RSF1: variants seen among roughly 807,000 people sequenced by gnomAD.
RSF1 encodes the protein HBV pX-associated protein 8.
Under a neutral mutation model 145.2 loss-of-function variants are expected in RSF1, and 13 were observed. The observed-to-expected ratio is 0.09, with a 90% CI of 0.06 to 0.14. RSF1 has a LOEUF of 0.14. RSF1 is among the 10% of genes least tolerant of loss of function. RSF1 has a pLI of 1.00. For synonymous variants in RSF1, 577 were observed against 592.6 expected (o/e 0.97, Z 0.38); for missense variants, 1,517 against 1,718.2 (o/e 0.88, Z 2.07).
chr11:77,826,168 C>T, the RSF1 span, among the ~76,000 whole-genome samples: 1 of 151,988 alleles, frequency 6.6e-6, no homozygotes, highest in South Asian at 2.1e-4. Flanking sequence ...TCAAGACCAG[C>T]CTGGTCAACA....
At chr11:77,675,715 T>C (rs1959683342) in intron 13 of RSF1, among the ~76,000 whole-genome samples, 1 of 152,326 alleles carries the variant, frequency 6.6e-6, no homozygotes, top group African/African-American at 2.4e-5. Context: ...CTCTCAAACC[T>C]GATCTCTTCT....
chr11:77,783,034 C>T (rs1948419660), intron 1 of RSF1, among the ~76,000 whole-genome samples: 1 of 152,174 alleles, frequency 6.6e-6, no homozygotes, highest in Non-Finnish European at 1.5e-5. Context: ...CTTCATTTAA[C>T]ATCTACTCTT....
chr11:77,724,138 A>G (rs543620036), intron 5 of RSF1, among the ~76,000 whole-genome samples: 1 of 152,356 alleles, frequency 6.6e-6, no homozygotes, highest in East Asian at 1.9e-4. Context: ...AATGGCCAAT[A>G]AACACTTGAA....
intron 2 of RSF1, among the ~76,000 whole-genome samples, chr11:77,761,268 C>T (rs988620711): frequency 6.6e-6 from 1 of 152,156 alleles, no homozygotes; most frequent in Non-Finnish European, 1.5e-5. Context: ...TTAATGACAT[C>T]ATCTTTCAAG....
At chr11:77,861,286 G>A in the RSF1 span, among the ~76,000 whole-genome samples, 2 of 152,186 alleles carry the variant, frequency 1.3e-5, no homozygotes, top group East Asian at 3.8e-4. Flanking sequence ...AAAAGCATGT[G>A]AAAAGAGTAA....
intron 1 of RSF1, chr11:77,813,399 A>C: frequency 8.5e-7 from 1 of 1,181,858 alleles, no homozygotes; most frequent in Non-Finnish European, 1.2e-6. Flanking sequence ...TCTCAGAAGG[A>C]CTGTGCAAGT....
chr11:77,757,073 C>A (rs897002373), intron 2 of RSF1, among the ~76,000 whole-genome samples: 6 of 152,176 alleles, frequency 3.9e-5, no homozygotes, highest in Non-Finnish European at 8.8e-5. Flanking sequence ...GTGGTGACAT[C>A]TGTGCTAGGA....
At chr11:77,690,704 C>G (rs1041739075) in intron 9 of RSF1, among the ~76,000 whole-genome samples, 20 of 152,218 alleles carry the variant, frequency 1.3e-4, no homozygotes, top group African/African-American at 4.6e-4. Context: ...AGGCGGGAGC[C>G]ACCATGCCCA....
intron 1 of RSF1, among the ~76,000 whole-genome samples, chr11:77,800,321 G>C (rs1027357278): frequency 6.6e-6 from 1 of 151,616 alleles, no homozygotes; most frequent in East Asian, 2.0e-4. Flanking sequence ...GTGAAACCCC[G>C]CCTCTACTAA....
intron 4 of RSF1, among the ~76,000 whole-genome samples, chr11:77,733,308 G>T (rs896433821): frequency 6.6e-6 from 1 of 152,012 alleles, no homozygotes; most frequent in Non-Finnish European, 1.5e-5. Flanking sequence ...ATTCTACAAT[G>T]AATAATGATG....
At chr11:77,789,911 C>T (rs1295689064) in intron 1 of RSF1, among the ~76,000 whole-genome samples, 2 of 152,212 alleles carry the variant, frequency 1.3e-5, no homozygotes, top group Admixed American at 6.5e-5. Flanking sequence ...CCCGCAGCTG[C>T]CACCACAGCT....
upstream of RSF1, among the ~76,000 whole-genome samples, chr11:77,821,504 A>T (rs746232582): frequency 1.3e-4 from 20 of 151,986 alleles, no homozygotes; most frequent in Non-Finnish European, 2.5e-4. Flanking sequence ...ATCTGAGGGA[A>T]CGGAACTCTG....
chr11:77,694,035 G>A (rs916462279), intron 7 of RSF1, among the ~76,000 whole-genome samples: 2 of 151,856 alleles, frequency 1.3e-5, no homozygotes, highest in Admixed American at 6.6e-5. Context: ...CACCCACCTC[G>A]GCCTCCCAAA....
At chr11:77,830,441 T>G in the RSF1 span, among the ~76,000 whole-genome samples, 1 of 151,960 alleles carries the variant, frequency 6.6e-6, no homozygotes, top group Non-Finnish European at 1.5e-5. Context: ...AATGCAGTCT[T>G]ACAAACCTGC....
chr11:77,743,312 G>C (rs7110924), intron 3 of RSF1, among the ~76,000 whole-genome samples: 39,533 of 152,092 alleles, frequency 0.26, 5,820 homozygotes, highest in South Asian at 0.49. Context: ...TGAATCTGTA[G>C]ATCACTTTGG....
intron 13 of RSF1, 56 bp downstream of exon 13, chr11:77,676,736 C>T (rs1565144908): frequency 6.6e-7 from 1 of 1,504,774 alleles, no homozygotes; most frequent in East Asian, 2.3e-5. Context: ...TCTCTGCTAG[C>T]CCAGTCCTGT....
At chr11:77,842,905 T>G in the RSF1 span, among the ~76,000 whole-genome samples, 2 of 152,200 alleles carry the variant, frequency 1.3e-5, no homozygotes, top group African/African-American at 4.8e-5. Flanking sequence ...AGGAACCACA[T>G]AACCACTACC....
intron 1 of RSF1, among the ~76,000 whole-genome samples, chr11:77,770,430 A>G (rs1948270983): frequency 6.6e-6 from 1 of 152,222 alleles, no homozygotes; most frequent in South Asian, 2.1e-4. Context: ...ACTCCAGCCT[A>G]GGTGACAGAG....
At position 77,660,649 on chromosome 11, in the gene RSF1, A is replaced by C. The variant is rs1232922059; in HGVS notation, c.*6268T>G. 1 of 152,144 alleles carries C rather than the reference A, an allele frequency of 6.6e-6. No individual in the cohort carries two copies. The highest frequency in any genetic ancestry group is 1.5e-5 in the Non-Finnish European group (1 of 68,012). The allele number at this position is 152,144 out of a possible 1,614,324, so 9.4% of individuals were successfully genotyped here. On this transcript the variant is annotated 3_prime_UTR_variant, in exon 16 of 16. Coordinates refer to ENST00000308488, the MANE Select transcript of RSF1 (RefSeq NM_016578.4). ...ATATAAGCATGTTGGAAAATTCAAGAGGCATTCTGATCAGTCCCTGAATTC... is the reference window on the plus strand; with the variant it reads ...ATATAAGCATGTTGGAAAATTCAAGCGGCATTCTGATCAGTCCCTGAATTC...
Sources: gnomAD v4.1 joint callset for allele counts (sites outside exome capture counted in the v4.1 genomes callset) on GRCh38, gnomAD v4.1.1 for gene constraint, MANE v1.5 for transcripts, NCBI Gene and HGNC (gene_info 2026-07-23, HGNC 2026-07-21) for gene names.